SDCCAG8: variants seen among roughly 807,000 people sequenced by gnomAD.
SDCCAG8 encodes serologically defined colon cancer antigen 8.
Under a neutral mutation model 101.8 loss-of-function variants are expected in SDCCAG8, and 74 were observed. The ratio of observed to expected loss-of-function variants is 0.73; its 90% CI spans 0.60 to 0.88. SDCCAG8 has a LOEUF of 0.88. Ranked by LOEUF, SDCCAG8 falls within the 40% of genes least tolerant of loss-of-function variation. The pLI is 0.00. For synonymous variants in SDCCAG8, 281 were observed against 292.9 expected (o/e 0.96, Z 0.41); for missense variants, 787 against 822.6 (o/e 0.96, Z 0.53).
At chr1:243,414,843 A>ATGTG (rs1491115426) in intron 13 of SDCCAG8, among the ~76,000 whole-genome samples, 12 of 92,118 alleles carry the variant, frequency 1.3e-4, no homozygotes, top group Non-Finnish European at 2.5e-4. Context: ...AACCATTCTA[A>ATGTG]TATGTGTGTG....
At chr1:243,387,523 G>A (rs901340524) in intron 13 of SDCCAG8, among the ~76,000 whole-genome samples, 1 of 152,146 alleles carries the variant, frequency 6.6e-6, no homozygotes, top group Non-Finnish European at 1.5e-5. Flanking sequence ...GATCCAGATG[G>A]GAAGATCTGA....
At chr1:243,483,485 C>G (rs1162204404) in intron 16 of SDCCAG8, among the ~76,000 whole-genome samples, 1 of 152,156 alleles carries the variant, frequency 6.6e-6, no homozygotes, top group Non-Finnish European at 1.5e-5. Flanking sequence ...TTGGGAAGTC[C>G]GCCGTCCTCT....
chr1:243,330,429 C>G (rs2074503994), intron 9 of SDCCAG8, 111 bp from the exon 10 acceptor site: 5 of 1,042,206 alleles, frequency 4.8e-6, no homozygotes, highest in Non-Finnish European at 7.3e-6. Context: ...TTCTAATGGG[C>G]TTTATAGTGA....
chr1:243,459,472 T>G (rs1381838580), intron 16 of SDCCAG8, among the ~76,000 whole-genome samples: 1 of 149,078 alleles, frequency 6.7e-6, no homozygotes, highest in Non-Finnish European at 1.5e-5. Flanking sequence ...CAGAAACAAG[T>G]CACTGAAGAA....
chr1:243,462,270 C>T (rs1447637406), intron 16 of SDCCAG8, among the ~76,000 whole-genome samples: 6 of 152,210 alleles, frequency 3.9e-5, no homozygotes, highest in Non-Finnish European at 7.3e-5. Context: ...AGAGGAGGAA[C>T]CTGTGGAGTG....
At chr1:243,494,259 G>A (rs970347438) in intron 17 of SDCCAG8, among the ~76,000 whole-genome samples, 4 of 152,072 alleles carry the variant, frequency 2.6e-5, no homozygotes, top group African/African-American at 4.8e-5. Flanking sequence ...CGAATTGTCA[G>A]TCTCAAAAAT....
At chr1:243,388,681 T>C (rs1392984617) in intron 13 of SDCCAG8, among the ~76,000 whole-genome samples, 1 of 139,876 alleles carries the variant, frequency 7.1e-6, no homozygotes, top group Non-Finnish European at 1.5e-5. Flanking sequence ...AGCAACATAA[T>C]GAGACCCCAG....
chr1:243,316,670 C>A (rs1573229929), intron 8 of SDCCAG8, 85 bp from the exon 9 acceptor site: 4 of 1,537,776 alleles, frequency 2.6e-6, no homozygotes, highest in East Asian at 2.3e-5. Flanking sequence ...TCTTCTAATA[C>A]ATATTAATGC....
At chr1:243,262,109 T>A (rs1386937077) in intron 1 of SDCCAG8, among the ~76,000 whole-genome samples, 1 of 102,964 alleles carries the variant, frequency 9.7e-6, no homozygotes, top group Admixed American at 1.0e-4. Flanking sequence ...GGTGCCCGAC[T>A]TTTTTTTTTT....
intron 2 of SDCCAG8, 93 bp from the exon 3 acceptor site, chr1:243,270,885 A>G: frequency 1.1e-6 from 1 of 885,280 alleles, no homozygotes; most frequent in South Asian, 1.3e-5. Flanking sequence ...TGCATAATAT[A>G]TCAGCAATTT....
chr1:243,495,794 T>G (rs1667705330), intron 17 of SDCCAG8, among the ~76,000 whole-genome samples: 1 of 152,178 alleles, frequency 6.6e-6, no homozygotes, highest in Admixed American at 6.5e-5. Context: ...GAGCCAGAGC[T>G]CACGTGGCTT....
At chr1:243,439,540 G>C (rs1036771760) in intron 16 of SDCCAG8, among the ~76,000 whole-genome samples, 1 of 151,310 alleles carries the variant, frequency 6.6e-6, no homozygotes, top group African/African-American at 2.4e-5. Flanking sequence ...CAGGAGAAAC[G>C]CTTGAAGCCA....
chr1:243,329,292 T>C (rs1437974422), intron 9 of SDCCAG8, among the ~76,000 whole-genome samples: 1 of 152,224 alleles, frequency 6.6e-6, no homozygotes, highest in African/African-American at 2.4e-5. Flanking sequence ...TTTACCTTTA[T>C]ATTTTATGCC....
chr1:243,383,770 G>A (rs1439810831), intron 13 of SDCCAG8, among the ~76,000 whole-genome samples: 3 of 152,050 alleles, frequency 2.0e-5, no homozygotes, highest in Admixed American at 2.0e-4. Flanking sequence ...ATGACAACAT[G>A]GCATGTGAGG....
intron 16 of SDCCAG8, among the ~76,000 whole-genome samples, chr1:243,479,577 A>C (rs1050972579): frequency 5.9e-5 from 9 of 152,170 alleles, no homozygotes; most frequent in Admixed American, 4.6e-4. Flanking sequence ...AATCACTCTC[A>C]ATTGGCAGAT....
chr1:243,423,526 T>C (rs146972013), intron 15 of SDCCAG8, among the ~76,000 whole-genome samples: 4 of 152,274 alleles, frequency 2.6e-5, no homozygotes, highest in Admixed American at 2.6e-4. Flanking sequence ...TTATTAGGCT[T>C]TTAAGATGCT....
chr1:243,460,522 A>G (rs1658863885), intron 16 of SDCCAG8, among the ~76,000 whole-genome samples: 1 of 152,238 alleles, frequency 6.6e-6, no homozygotes, highest in Admixed American at 6.5e-5. Context: ...AAGCAGGTCC[A>G]TTTTGAAGAA....
At chr1:243,347,069 A>G (rs186074062) in intron 12 of SDCCAG8, among the ~76,000 whole-genome samples, 101 of 151,386 alleles carry the variant, frequency 6.7e-4, no homozygotes, top group Non-Finnish European at 8.9e-4. Context: ...CTCCTCCTCA[A>G]TCCTATTCCA....
At chr1:243,339,903 G>A (rs1468187621) in intron 10 of SDCCAG8, among the ~76,000 whole-genome samples, 1 of 152,142 alleles carries the variant, frequency 6.6e-6, no homozygotes, top group Non-Finnish European at 1.5e-5. Flanking sequence ...AAAATTGATA[G>A]GTATTCCTAT....
Sources: gnomAD v4.1 joint callset for allele counts (sites outside exome capture counted in the v4.1 genomes callset) on GRCh38, gnomAD v4.1.1 for gene constraint, MANE v1.5 for transcripts, NCBI Gene and HGNC (gene_info 2026-07-23, HGNC 2026-07-21) for gene names.